The following RBFOX3 variants were observed in gnomAD, a reference collection of about 807,000 sequenced individuals.
The protein encoded by RBFOX3 is RNA binding fox-1 homolog 3, also known as RNA binding protein fox-1 homolog 3.
RBFOX3 carries 17 observed loss-of-function variants against 48.7 expected under a neutral mutation model. The observed-to-expected ratio is 0.35, with a 90% CI of 0.24 to 0.52. The LOEUF (loss-of-function observed/expected upper bound fraction) is 0.52. RBFOX3 is among the 20% of genes least tolerant of loss of function. The pLI, the probability that RBFOX3 is intolerant of heterozygous loss-of-function variation, is 0.94. For synonymous variants in RBFOX3, 212 were observed against 209.5 expected (o/e 1.01, Z -0.10); for missense variants, 382 against 497.5 (o/e 0.77, Z 2.21).
chr17:79,620,456 CACACACAT>C, the RBFOX3 span, among the ~76,000 whole-genome samples: 2 of 147,796 alleles, frequency 1.4e-5, no homozygotes, highest in Non-Finnish European at 1.5e-5. Flanking sequence ...CACACATGCG[CACACACAT>C]GCACACGTGC....
At chr17:79,654,885 G>A in the RBFOX3 span, among the ~76,000 whole-genome samples, 9 of 152,198 alleles carry the variant, frequency 5.9e-5, no homozygotes, top group African/African-American at 2.2e-4. Flanking sequence ...AATGCCTCCT[G>A]GCTGCTTCCA....
Position 79,392,262 on chromosome 17 carries a change from CAG to C in RBFOX3, c.-174-84440_-174-84439del, listed in dbSNP as rs2148218952. Among the ~76,000 whole-genome samples, 1 of 152,354 alleles carries C rather than the reference CAG, an allele frequency of 6.6e-6. No individual in the cohort carries two copies. The highest frequency in any genetic ancestry group is 6.5e-5 in the Admixed American group (1 of 15,302). On this transcript the variant is annotated intron_variant, in intron 2 of 14. Transcript: ENST00000693108. This position sits in a 1 kb window ranked among gnomAD's most constrained non-coding sequence, Gnocchi z 5.0. The stretch of plus-strand genomic sequence containing the variant: ...TGTTCCAGAATCCAAACTCACACAG[CAG>C]AGAGAGGCAGCTCAGCACACGGACC...
intron 2 of RBFOX3, among the ~76,000 whole-genome samples, chr17:79,435,123 G>T (rs782221238): frequency 6.6e-6 from 1 of 152,166 alleles, no homozygotes; most frequent in South Asian, 2.1e-4. Flanking sequence ...GCTCTGCTGG[G>T]TGCGTCCTGG....
intron 3 of RBFOX3, among the ~76,000 whole-genome samples, chr17:79,244,265 G>A (rs1218298170): frequency 6.6e-6 from 1 of 152,162 alleles, no homozygotes; most frequent in African/African-American, 2.4e-5. Flanking sequence ...GGAGATTGGA[G>A]TGATGTAGCC....
chr17:79,250,673 G>A (rs930280756), intron 3 of RBFOX3, among the ~76,000 whole-genome samples: 5 of 152,120 alleles, frequency 3.3e-5, no homozygotes, highest in African/African-American at 1.2e-4. Context: ...GCAGCGTTGA[G>A]GTGCCACAGG....
chr17:79,620,382 C>T, the RBFOX3 span, among the ~76,000 whole-genome samples: 1 of 150,024 alleles, frequency 6.7e-6, no homozygotes, highest in African/African-American at 2.4e-5. Context: ...CATACACACA[C>T]ATGCACACAT....
At chr17:79,349,082 C>T (rs1275655701) in intron 2 of RBFOX3, among the ~76,000 whole-genome samples, 1 of 152,084 alleles carries the variant, frequency 6.6e-6, no homozygotes, top group African/African-American at 2.4e-5. Flanking sequence ...CCAGTAAGTT[C>T]TGTCTCCAAA....
intron 2 of RBFOX3, among the ~76,000 whole-genome samples, chr17:79,445,473 C>T (rs575332725): frequency 2.6e-3 from 389 of 152,238 alleles, no homozygotes; most frequent in Non-Finnish European, 4.0e-3. Context: ...CCTCAGGACC[C>T]GCCTCGATTT....
At chr17:79,279,570 C>T (rs1418547162) in intron 3 of RBFOX3, among the ~76,000 whole-genome samples, 2 of 152,208 alleles carry the variant, frequency 1.3e-5, no homozygotes, top group Non-Finnish European at 2.9e-5. Context: ...TCCAAATAAC[C>T]TATGTGCCAG....
chr17:79,145,904 A>G (rs1165290697), intron 4 of RBFOX3, among the ~76,000 whole-genome samples: 1 of 152,104 alleles, frequency 6.6e-6, no homozygotes, highest in Non-Finnish European at 1.5e-5. Context: ...CAATTTTTCC[A>G]AAGGCCGCCG....
upstream of RBFOX3, among the ~76,000 whole-genome samples, chr17:79,611,448 G>C (rs2093969530): frequency 6.6e-6 from 1 of 151,876 alleles, no homozygotes; most frequent in Admixed American, 6.6e-5. Flanking sequence ...AGAAGAGGTG[G>C]GGTACACACG....
In RBFOX3 at chr17:79,267,985, A is replaced by G. The variant is rs566305706; in HGVS notation, c.-73-32180T>C. Among the ~76,000 whole-genome samples the G allele has an allele frequency of 2.5e-3, 381 of 152,262 alleles. 1 individual carries two copies. Among genetic ancestry groups the G allele is most frequent in the African/African-American group, 8.5e-3 (352 of 41,548 alleles). ...GCCTTCCACTTTTTATACCCCCACT[A>G]TAGAATTCAACCTGCACATGTCAAA... On this transcript the variant is annotated intron_variant, in intron 3 of 14. Coordinates refer to ENST00000693108, the MANE Select transcript of RBFOX3 (RefSeq NM_001350451.2).
Position 79,241,132 on chromosome 17 carries a change from T to A in RBFOX3, c.-73-5327A>T, listed in dbSNP as rs148557187. ...CTGAGACTACAGGCAAGCACCAACA[T>A]GCCTGGTTATCTATCTAGCTATCTA... On this transcript the variant is annotated intron_variant, in intron 3 of 14. Transcript: ENST00000693108. 1.2e-3 allele frequency among the ~76,000 whole-genome samples: 190 copies of A among 152,164 alleles called. 1 individual carries two copies. Among genetic ancestry groups the A allele is most frequent in the African/African-American group, 4.4e-3 (182 of 41,510 alleles).
In RBFOX3 at chr17:79,252,914, C is replaced by T. The variant is rs1009723518; in HGVS notation, c.-73-17109G>A. The stretch of plus-strand genomic sequence containing the variant: ...CCCACCCTTCCCCCTCTATCCCGCC[C>T]GGCAAGCCCCAGCCCCCTAAACCCG... On this transcript the variant is annotated intron_variant, in intron 3 of 14. Transcript: ENST00000693108. This position sits in a 1 kb window ranked among gnomAD's most constrained non-coding sequence, Gnocchi z 4.0. Among the ~76,000 whole-genome samples the T allele has an allele frequency of 5.9e-5, 9 of 152,106 alleles. No homozygotes were observed. Among genetic ancestry groups the T allele is most frequent in the African/African-American group, 1.7e-4 (7 of 41,408 alleles).
At position 79,418,650 on chromosome 17, in the gene RBFOX3, C is replaced by A. The variant is rs551525334; in HGVS notation, c.-175+63804G>T. ...AAAATCAGGAAGTGGCAGACTAAGACCAAGACAGAGAGGGATGGATGTGGC... is the reference window on the plus strand; with the variant it reads ...AAAATCAGGAAGTGGCAGACTAAGAACAAGACAGAGAGGGATGGATGTGGC... On this transcript the variant is annotated intron_variant, in intron 2 of 14. Transcript: ENST00000693108. This position sits in a 1 kb window ranked among gnomAD's most constrained non-coding sequence, Gnocchi z 5.0. Among the ~76,000 whole-genome samples, 12 of 152,262 alleles carry A rather than the reference C, an allele frequency of 7.9e-5. No individual in the cohort carries two copies. The highest frequency in any genetic ancestry group is 2.4e-4 in the African/African-American group (10 of 41,554).
intron 4 of RBFOX3, among the ~76,000 whole-genome samples, chr17:79,135,808 G>C (rs1015124964): frequency 6.6e-5 from 10 of 152,224 alleles, no homozygotes; most frequent in African/African-American, 2.4e-4. Context: ...CTCAGAGATA[G>C]ATGCTTCAGG....
chr17:79,464,752 G>A (rs62061745), intron 2 of RBFOX3, among the ~76,000 whole-genome samples: 5,324 of 152,340 alleles, frequency 0.035, 127 homozygotes, highest in South Asian at 0.062. Context: ...AGGGTGCCAG[G>A]CACACTGAGG....
intron 1 of RBFOX3, among the ~76,000 whole-genome samples, 75 bp downstream of exon 1, chr17:79,610,751 G>A (rs1173074998): frequency 1.3e-5 from 2 of 152,002 alleles, no homozygotes; most frequent in Non-Finnish European, 2.9e-5. Context: ...CCGCGGCCAT[G>A]TCCCCCTCCC....
intron 2 of RBFOX3, among the ~76,000 whole-genome samples, chr17:79,387,590 C>A (rs1368072921): frequency 6.6e-6 from 1 of 152,232 alleles, no homozygotes; most frequent in Non-Finnish European, 1.5e-5. Flanking sequence ...GGCTTCTCCC[C>A]CAAGCCAAAT....
Sources: gnomAD v4.1 joint callset for allele counts (sites outside exome capture counted in the v4.1 genomes callset) on GRCh38, gnomAD v4.1.1 for gene constraint, Gnocchi (gnomAD v3.1) non-coding constraint, MANE v1.5 for transcripts, NCBI Gene and HGNC (gene_info 2026-07-23, HGNC 2026-07-21) for gene names.